The following MRPL14 variants were observed in gnomAD, a reference collection of about 807,000 sequenced individuals.
The protein encoded by MRPL14 is large ribosomal subunit protein uL14m.
MRPL14 carries 8 observed loss-of-function variants against 10.9 expected under a neutral mutation model. The ratio of observed to expected loss-of-function variants is 0.74; its 90% CI spans 0.43 to 1.33. MRPL14 has a LOEUF of 1.33. MRPL14 is among the 40% of genes most tolerant of loss of function. The pLI, the probability that MRPL14 is intolerant of heterozygous loss-of-function variation, is 0.01. For missense variants in MRPL14, 179 were observed against 194.5 expected, an observed-to-expected ratio of 0.92 and a Z score of 0.47; for synonymous variants, 82 against 74.1, an observed-to-expected ratio of 1.11 and a Z score of -0.54.
At position 44,113,608 on chromosome 6, in the gene MRPL14, C is replaced by T. The variant is rs1562096374; in HGVS notation, c.*235G>A. On this transcript the variant is annotated 3_prime_UTR_variant, in exon 3 of 3. Coordinates refer to ENST00000372014, the MANE Select transcript of MRPL14 (RefSeq NM_032111.4). ...CTGCTCCATGTAAAGAATGCTACCC[C>T]GTGTGGCCAGACTCGGGTAAGCCAC... 3 of 418,652 alleles carry T rather than the reference C, an allele frequency of 7.2e-6. No homozygotes were observed. Among genetic ancestry groups the T allele is most frequent in the Non-Finnish European group, 1.2e-5 (3 of 240,386 alleles). The allele number at this position is 418,652 out of a possible 1,614,324, so 25.9% of individuals were successfully genotyped here. A position where few individuals can be genotyped will look rare whatever the true frequency, so the allele number is the denominator to read the frequency against.
intron 1 of MRPL14, among the ~76,000 whole-genome samples, chr6:44,118,687 G>A (rs747705035): frequency 6.6e-6 from 1 of 152,146 alleles, no homozygotes; most frequent in African/African-American, 2.4e-5. Context: ...CCTCATGGCC[G>A]GGCACGGTGG....
chr6:44,113,765 C>G lies in MRPL14; in HGVS notation c.*78G>C. Reference sequence around the variant, plus strand: ...GTGTGAAGGGAGCAGCCATGTGGCTCCCAAGCTCCCTTAGCAAAAGGGTGG... The same window carrying G: ...GTGTGAAGGGAGCAGCCATGTGGCTGCCAAGCTCCCTTAGCAAAAGGGTGG... On this transcript the variant is annotated 3_prime_UTR_variant, in exon 3 of 3. Coordinates refer to ENST00000372014, the MANE Select transcript of MRPL14 (RefSeq NM_032111.4). The G allele has an allele frequency of 6.8e-7, 1 of 1,478,830 alleles. No homozygotes were observed. The allele number at this position is 1,478,830 out of a possible 1,614,324, so 91.6% of individuals were successfully genotyped here. A position where few individuals can be genotyped will look rare whatever the true frequency, so the allele number is the denominator to read the frequency against.
chr6:44,118,453 G>C (rs1264218095), intron 1 of MRPL14, among the ~76,000 whole-genome samples: 1 of 152,142 alleles, frequency 6.6e-6, no homozygotes, highest in Non-Finnish European at 1.5e-5. Flanking sequence ...AATTAGTCAA[G>C]GGCAGAAACA....
chr6:44,124,857 C>G (rs1366033222), intron 1 of MRPL14, among the ~76,000 whole-genome samples: 1 of 152,144 alleles, frequency 6.6e-6, no homozygotes, highest in African/African-American at 2.4e-5. Context: ...AAGGCTAAAC[C>G]ATAACCTGCT....
chr6:44,114,262 G>A (rs1775624086), intron 2 of MRPL14, 53 bp from the exon 3 acceptor site: 2 of 1,553,836 alleles, frequency 1.3e-6, no homozygotes, highest in East Asian at 2.3e-5. Context: ...TGGTCAGGGT[G>A]CACAGGCCTC....
intron 1 of MRPL14, among the ~76,000 whole-genome samples, chr6:44,117,237 T>G (rs1490548039): frequency 6.6e-6 from 1 of 151,832 alleles, no homozygotes; most frequent in Non-Finnish European, 1.5e-5. Context: ...CACTGTAACA[T>G]GGAAAACTGA....
At chr6:44,124,458 A>G (rs571731075) in intron 1 of MRPL14, among the ~76,000 whole-genome samples, 3 of 152,340 alleles carry the variant, frequency 2.0e-5, no homozygotes, top group African/African-American at 7.2e-5. Flanking sequence ...GATCTGCAGG[A>G]TAGTTTGTTT....
intron 1 of MRPL14, among the ~76,000 whole-genome samples, chr6:44,118,501 G>A (rs1216390375): frequency 1.3e-5 from 2 of 152,178 alleles, no homozygotes; most frequent in South Asian, 4.1e-4. Flanking sequence ...TGTTCCAACC[G>A]CACTCTGCAG....
At position 44,113,900 on chromosome 6, in the gene MRPL14, C is replaced by T; in HGVS notation, c.381G>A (p.Leu127=). Residue 127 remains leucine, a synonymous_variant, in exon 3 of 3, where the codon CTG becomes CTA. Transcript: ENST00000372014. ...TGGAATACTCGCCTTCCCGCTTGCG[C>T]AGGCTGGTGGGGATGGGTGTCTTAA... ...TRIKTPIPTS[L]RKREGEYSKV... 1 of 1,602,256 alleles carries T rather than the reference C, an allele frequency of 6.2e-7. No individual in the cohort carries two copies. The highest frequency in any genetic ancestry group is 8.5e-7 in the Non-Finnish European group (1 of 1,170,918).
chr6:44,117,840 GTTTTTTTTTT>G (rs56204643), intron 1 of MRPL14, among the ~76,000 whole-genome samples: 16 of 75,348 alleles, frequency 2.1e-4, no homozygotes, highest in Admixed American at 1.2e-3. Flanking sequence ...AATTTTTTGT[GTTTTTTTTTT>G]TTTTTTTTTT....
chr6:44,114,802 G>C (rs1189787225), intron 2 of MRPL14, among the ~76,000 whole-genome samples: 1 of 152,104 alleles, frequency 6.6e-6, no homozygotes, highest in Non-Finnish European at 1.5e-5. Flanking sequence ...GTAGAGACAG[G>C]GTTTCACCGT....
intron 2 of MRPL14, among the ~76,000 whole-genome samples, chr6:44,116,112 G>A (rs1169287022): frequency 6.6e-6 from 1 of 152,240 alleles, no homozygotes; most frequent in Non-Finnish European, 1.5e-5. Context: ...TGCCTCCTGT[G>A]CTCTCCTGGC....
Position 44,119,238 on chromosome 6 carries a change from G to A in MRPL14, c.-18-2609C>T, listed in dbSNP as rs376407960. On this transcript the variant is annotated intron_variant, in intron 1 of 2. Coordinates refer to ENST00000372014, the MANE Select transcript of MRPL14 (RefSeq NM_032111.4). The stretch of plus-strand genomic sequence containing the variant: ...TTCTTGTTCCATCAAGAATACTGAC[G>A]TCAGCTGGGCGCGGTGGCTCATGCC... Among the ~76,000 whole-genome samples the A allele has an allele frequency of 1.1e-4, 17 of 151,660 alleles. No individual in the cohort carries two copies. The East Asian group carries it at 2.9e-3, about 26-fold the overall frequency.
At chr6:44,122,358 C>T (rs994179142) in intron 1 of MRPL14, among the ~76,000 whole-genome samples, 1 of 152,164 alleles carries the variant, frequency 6.6e-6, no homozygotes, top group African/African-American at 2.4e-5. Context: ...GCTGGGATTA[C>T]AGGCATGAGC....
chr6:44,117,252 C>T (rs1775941420), intron 1 of MRPL14, among the ~76,000 whole-genome samples: 2 of 152,206 alleles, frequency 1.3e-5, no homozygotes, highest in Non-Finnish European at 2.9e-5. Context: ...AACTGACCTA[C>T]ACCATACTAC....
At chr6:44,119,651 A>G (rs2128197026) in intron 1 of MRPL14, among the ~76,000 whole-genome samples, 2 of 152,328 alleles carry the variant, frequency 1.3e-5, no homozygotes, top group South Asian at 4.1e-4. Context: ...TTTTGAAGAC[A>G]ATTTGTAGTG....
chr6:44,113,880 T>C lies in MRPL14; in HGVS notation c.401A>G (p.Tyr134Cys). The C allele has an allele frequency of 6.3e-7, 1 of 1,594,242 alleles. No homozygotes were observed. The change falls in exon 3 of 3, where the codon TAT (tyrosine) becomes TGT (cysteine). Residue 134 changes from tyrosine to cysteine, a missense_variant. Physicochemically the swap from Tyr to Cys is radical, Grantham distance 194 (BLOSUM62 -2). Coordinates refer to ENST00000372014, the MANE Select transcript of MRPL14 (RefSeq NM_032111.4). ...PTSLRKREGEYSKVLAIAQNF... is the reference protein window; with the variant it reads ...PTSLRKREGECSKVLAIAQNF... ...CTGAGCAATGGCCAGCACCTTGGAA[T>C]ACTCGCCTTCCCGCTTGCGCAGGCT...
rs536326593 is a variant in MRPL14, at chr6:44,122,237, C to G, written c.-19+5107G>C. 2.6e-5 allele frequency among the ~76,000 whole-genome samples: 4 copies of G among 152,256 alleles called. No individual in the cohort carries two copies. In the South Asian group the frequency reaches 6.2e-4, roughly 24 times the overall value. ...AGCTGGGACTACAGGCGCCTGCCAC[C>G]AACCCCAGCTAATTTTTTGTATTTT... On this transcript the variant is annotated intron_variant, in intron 1 of 2. Coordinates refer to ENST00000372014, the MANE Select transcript of MRPL14 (RefSeq NM_032111.4).
Position 44,113,909 on chromosome 6 carries a change from G to A in MRPL14, c.372C>T (p.Pro124=). The A allele has an allele frequency of 6.2e-7, 1 of 1,606,604 alleles. No homozygotes were observed. The highest frequency in any genetic ancestry group is 8.5e-7 in the Non-Finnish European group (1 of 1,173,868). ...CGCCTTCCCGCTTGCGCAGGCTGGTGGGGATGGGTGTCTTAATTCGTGTCC... is the reference window on the plus strand; with the variant it reads ...CGCCTTCCCGCTTGCGCAGGCTGGTAGGGATGGGTGTCTTAATTCGTGTCC... ...PVGTRIKTPI[P]TSLRKREGEY... is the part of the protein sequence containing the mutation. The change falls in exon 3 of 3, where the codon CCC becomes CCT. Residue 124 remains proline, a synonymous_variant. Coordinates refer to ENST00000372014, the MANE Select transcript of MRPL14 (RefSeq NM_032111.4).
Sources: allele counts gnomAD v4.1 joint callset (sites outside exome capture counted in the v4.1 genomes callset), GRCh38; gene constraint gnomAD v4.1.1; transcripts MANE v1.5; gene names NCBI Gene and HGNC (gene_info 2026-07-23, HGNC 2026-07-21).